Variants in GALNTL6 observed in about 807,000 individuals in gnomAD.
GALNTL6 encodes polypeptide N-acetylgalactosaminyltransferase-like 6.
A neutral mutation model predicts 73.7 loss-of-function variants in GALNTL6; 46 were observed. The observed-to-expected ratio is 0.62, with a 90% CI of 0.49 to 0.80. The LOEUF is 0.80. GALNTL6 is among the 30% of genes least tolerant of loss of function. The pLI is 0.00. For synonymous variants in GALNTL6, 259 were observed against 263.7 expected, an observed-to-expected ratio of 0.98 and a Z score of 0.17; for missense variants, 604 against 755.0, an observed-to-expected ratio of 0.80 and a Z score of 2.34.
chr4:172,268,476 C>G (rs541344394), intron 3 of GALNTL6, among the ~76,000 whole-genome samples: 1 of 152,314 alleles, frequency 6.6e-6, no homozygotes, highest in Admixed American at 6.5e-5. Context: ...ACAGGTGGAC[C>G]AGTAGTTGGA....
intron 2 of GALNTL6, among the ~76,000 whole-genome samples, chr4:171,967,170 T>C (rs1008055256): frequency 6.6e-6 from 1 of 152,208 alleles, no homozygotes; most frequent in Non-Finnish European, 1.5e-5. Flanking sequence ...TGATACCGTA[T>C]TGTAAAATGT....
intron 3 of GALNTL6, among the ~76,000 whole-genome samples, chr4:172,309,894 A>G (rs1446931701): frequency 6.6e-6 from 1 of 152,136 alleles, no homozygotes; most frequent in Admixed American, 6.5e-5. Context: ...CAAAAATTGC[A>G]TAGGACTAAA....
At chr4:172,823,818 A>G (rs1579528589) in intron 7 of GALNTL6, among the ~76,000 whole-genome samples, 1 of 152,230 alleles carries the variant, frequency 6.6e-6, no homozygotes, top group Non-Finnish European at 1.5e-5. Context: ...GAAAATTAAA[A>G]TCATTTTTAA....
intron 5 of GALNTL6, among the ~76,000 whole-genome samples, chr4:172,445,175 C>T (rs566241951): frequency 2.6e-5 from 4 of 152,228 alleles, no homozygotes; most frequent in East Asian, 1.9e-4. Context: ...TTTCCCCCAC[C>T]GCCCACTGAA....
chr4:172,028,260 T>C (rs1474193414), intron 2 of GALNTL6, among the ~76,000 whole-genome samples: 1 of 151,768 alleles, frequency 6.6e-6, no homozygotes, highest in Non-Finnish European at 1.5e-5. Context: ...CATGATGAAT[T>C]GCAATTTATT....
At position 172,869,491 on chromosome 4, in the gene GALNTL6, G is replaced by A. The variant is rs573820083; in HGVS notation, c.924-13299G>A. Among the ~76,000 whole-genome samples the A allele has an allele frequency of 3.3e-5, 5 of 152,318 alleles. No individual in the cohort carries two copies. In the East Asian group the frequency reaches 9.7e-4, roughly 29 times the overall value. ...GATTCAGAAAGGTCTGGAGCATAAA[G>A]TGTATGCAGAGGTGGGATTTCTCCA... On this transcript the variant is annotated intron_variant, in intron 7 of 12. Coordinates refer to ENST00000506823, the MANE Select transcript of GALNTL6 (RefSeq NM_001034845.3).
intron 2 of GALNTL6, among the ~76,000 whole-genome samples, chr4:171,949,434 A>G (rs2111028105): frequency 6.6e-6 from 1 of 152,296 alleles, no homozygotes; most frequent in South Asian, 2.1e-4. Context: ...AAGCAACAAC[A>G]ATTCAGGCCT....
chr4:172,999,476 C>T (rs1751947983), intron 10 of GALNTL6, among the ~76,000 whole-genome samples: 1 of 152,150 alleles, frequency 6.6e-6, no homozygotes. Flanking sequence ...TCTACAGGGT[C>T]CATCTTGAGA....
At chr4:172,016,074 A>T (rs1159187311) in intron 2 of GALNTL6, among the ~76,000 whole-genome samples, 1 of 151,302 alleles carries the variant, frequency 6.6e-6, no homozygotes, top group Non-Finnish European at 1.5e-5. Context: ...CTTTCCCAGG[A>T]GTTCTTTGAG....
At chr4:172,262,638 A>C (rs1738296674) in intron 3 of GALNTL6, among the ~76,000 whole-genome samples, 1 of 151,506 alleles carries the variant, frequency 6.6e-6, no homozygotes, top group South Asian at 2.1e-4. Context: ...TAGTATTGAG[A>C]TGTGAAGTAC....
At chr4:172,562,268 A>G (rs919887467) in intron 5 of GALNTL6, among the ~76,000 whole-genome samples, 2 of 152,190 alleles carry the variant, frequency 1.3e-5, no homozygotes, top group Non-Finnish European at 2.9e-5. Context: ...CCTCCAGCTC[A>G]AAGGGAAGAC....
intron 2 of GALNTL6, among the ~76,000 whole-genome samples, chr4:172,042,987 T>G (rs1742128362): frequency 6.6e-6 from 1 of 151,844 alleles, no homozygotes; most frequent in Non-Finnish European, 1.5e-5. Context: ...AAATCTGGCT[T>G]TTGGCACCTT....
chr4:171,883,943 A>G (rs976777899), intron 2 of GALNTL6, among the ~76,000 whole-genome samples: 1 of 152,140 alleles, frequency 6.6e-6, no homozygotes. Context: ...CACCGCTCCC[A>G]GACATATATG....
chr4:171,897,864 T>C (rs1340219937), intron 2 of GALNTL6, among the ~76,000 whole-genome samples: 2 of 148,986 alleles, frequency 1.3e-5, no homozygotes, highest in African/African-American at 5.0e-5. Flanking sequence ...GAGGCGGAGG[T>C]TGTAGTGAGC....
chr4:172,567,741 C>A (rs1736611027), intron 5 of GALNTL6, among the ~76,000 whole-genome samples: 1 of 152,078 alleles, frequency 6.6e-6, no homozygotes, highest in Non-Finnish European at 1.5e-5. Context: ...GAAGCTGAGG[C>A]ACAAGAATTG....
intron 10 of GALNTL6, among the ~76,000 whole-genome samples, chr4:172,999,004 A>C (rs1751921153): frequency 6.6e-6 from 1 of 151,430 alleles, no homozygotes; most frequent in Non-Finnish European, 1.5e-5. Context: ...AAAAAAAAAA[A>C]ACGTTGGCTG....
chr4:172,894,568 T>C (rs1227498866), intron 8 of GALNTL6, among the ~76,000 whole-genome samples: 1 of 152,210 alleles, frequency 6.6e-6, no homozygotes, highest in Non-Finnish European at 1.5e-5. Flanking sequence ...CATTTTTTAA[T>C]TTGTTGAGAC....
chr4:172,277,245 G>T (rs1433832376), intron 3 of GALNTL6, among the ~76,000 whole-genome samples: 1 of 151,032 alleles, frequency 6.6e-6, no homozygotes, highest in Non-Finnish European at 1.5e-5. Context: ...AGTTCCTAAG[G>T]CTTGAAAATA....
intron 2 of GALNTL6, among the ~76,000 whole-genome samples, chr4:172,132,791 GA>G (rs1212306173): frequency 6.6e-6 from 1 of 151,902 alleles, no homozygotes; most frequent in Non-Finnish European, 1.5e-5. Context: ...GAGATTTGAA[GA>G]AAAAAATCTT....
Sources: gnomAD v4.1 joint callset for allele counts (sites outside exome capture counted in the v4.1 genomes callset) on GRCh38, gnomAD v4.1.1 for gene constraint, MANE v1.5 for transcripts, NCBI Gene and HGNC (gene_info 2026-07-23, HGNC 2026-07-21) for gene names.